The following CTNNBL1 variants were observed in gnomAD, a reference collection of about 807,000 sequenced individuals.
The protein encoded by CTNNBL1 is beta-catenin-like protein 1.
A neutral mutation model predicts 72.7 loss-of-function variants in CTNNBL1; 31 were observed. That is an observed-to-expected ratio of 0.43 (90% CI 0.32 to 0.58). The LOEUF (loss-of-function observed/expected upper bound fraction) is 0.58. Ranked by LOEUF, CTNNBL1 falls within the 20% of genes least tolerant of loss-of-function variation. The pLI, the probability that CTNNBL1 is intolerant of heterozygous loss-of-function variation, is 0.08. For missense variants in CTNNBL1, 534 were observed against 725.1 expected (o/e 0.74, Z 3.03); for synonymous variants, 240 against 267.3 (o/e 0.90, Z 1.00).
intron 7 of CTNNBL1, among the ~76,000 whole-genome samples, chr20:37,773,909 C>CTTTTTTTTTTTTTT (rs1176688817): frequency 9.6e-6 from 1 of 104,646 alleles, no homozygotes; most frequent in Non-Finnish European, 1.9e-5. Context: ...TTCTTTCTCT[C>CTTTTTTTTTTTTTT]TTTTTTTTTT....
intron 11 of CTNNBL1, among the ~76,000 whole-genome samples, chr20:37,823,240 T>G (rs748837224): frequency 1.9e-4 from 29 of 152,206 alleles, no homozygotes; most frequent in Non-Finnish European, 2.9e-4. Flanking sequence ...GATTATAGGA[T>G]GGTTTCATTT....
chr20:37,796,088 G>T (rs2073771748), intron 10 of CTNNBL1, among the ~76,000 whole-genome samples: 2 of 152,122 alleles, frequency 1.3e-5, no homozygotes, highest in African/African-American at 4.8e-5. Context: ...TTACTACTCC[G>T]CCAGGTGCAC....
chr20:37,831,051 C>T (rs1031283664), intron 11 of CTNNBL1, among the ~76,000 whole-genome samples: 2 of 152,306 alleles, frequency 1.3e-5, no homozygotes, highest in Middle Eastern at 3.4e-3. Flanking sequence ...CTAAGTGTGC[C>T]CATAGAACCC....
chr20:37,810,639 A>G (rs924810115), intron 11 of CTNNBL1, among the ~76,000 whole-genome samples: 31 of 152,346 alleles, frequency 2.0e-4, no homozygotes, highest in African/African-American at 7.2e-4. Flanking sequence ...CAGAGAAAGG[A>G]GTATCCTTAG....
At chr20:37,766,655 G>A (rs140759587) in intron 6 of CTNNBL1, among the ~76,000 whole-genome samples, 174 of 152,220 alleles carry the variant, frequency 1.1e-3, no homozygotes, top group Middle Eastern at 3.4e-3. Context: ...GTGGAGGAGT[G>A]GGAGAAGGGC....
chr20:37,764,060 C>T (rs757462183), intron 5 of CTNNBL1, among the ~76,000 whole-genome samples: 5 of 152,248 alleles, frequency 3.3e-5, no homozygotes, highest in Admixed American at 6.5e-5. Context: ...CAGGCATCAA[C>T]AGGGTAAAGG....
chr20:37,750,419 T>G (rs746197581), intron 4 of CTNNBL1: 1 of 152,240 alleles, frequency 6.6e-6, no homozygotes, highest in Non-Finnish European at 1.5e-5. Flanking sequence ...TTCAAAATAA[T>G]GCTTTTTAAA....
intron 4 of CTNNBL1, chr20:37,751,135 C>T (rs1443507960): frequency 6.6e-6 from 1 of 151,788 alleles, no homozygotes; most frequent in East Asian, 1.9e-4. Context: ...ATCAAGGTAT[C>T]GGGTCCATGG....
intron 4 of CTNNBL1, among the ~76,000 whole-genome samples, chr20:37,747,580 A>G (rs993503069): frequency 6.6e-6 from 1 of 151,670 alleles, no homozygotes; most frequent in Admixed American, 6.6e-5. Context: ...TGTTATTTTT[A>G]TTTTTATTTG....
intron 13 of CTNNBL1, among the ~76,000 whole-genome samples, chr20:37,842,802 G>A (rs754687648): frequency 1.3e-5 from 2 of 152,224 alleles, no homozygotes; most frequent in African/African-American, 2.4e-5. Context: ...CTGAGGAAGG[G>A]TGATCACAGC....
chr20:37,732,958 A>G lies in CTNNBL1; in HGVS notation c.110A>G (p.Glu37Gly), dbSNP rs1292467483. ...CGTCGGAAACAAACTGGTACTCGAG[A>G]ACGCGGCCGCTATCGGGAAGAAGAA... ...KMRRKQTGTR[E>G]RGRYREEEMT... The change falls in exon 2 of 16, where the codon GAA becomes GGA. Residue 37 changes from glutamate (E) to glycine (G), a missense_variant. Glu to Gly is a moderately conservative substitution (Grantham distance 98, BLOSUM62 -2). Coordinates refer to ENST00000361383, the MANE Select transcript of CTNNBL1 (RefSeq NM_030877.5). The G allele has an allele frequency of 1.2e-6, 2 of 1,613,978 alleles. No homozygotes were observed. Among genetic ancestry groups the G allele is most frequent in the Non-Finnish European group, 1.7e-6 (2 of 1,180,036 alleles).
intron 11 of CTNNBL1, chr20:37,832,134 T>G (rs1814456070): frequency 6.6e-6 from 1 of 152,160 alleles, no homozygotes; most frequent in Non-Finnish European, 1.5e-5. Context: ...GATTAGAGAG[T>G]CTGAGCGAAG....
Position 37,694,079 on chromosome 20 carries a change from G to C in CTNNBL1, c.-44G>C. The C allele has an allele frequency of 1.3e-6, 2 of 1,595,926 alleles. No individual in the cohort carries two copies. Among genetic ancestry groups the C allele is most frequent in the Non-Finnish European group, 1.7e-6 (2 of 1,172,682 alleles). On this transcript the variant is annotated 5_prime_UTR_variant, in exon 1 of 16. Transcript: ENST00000361383. ...GCCGCGGCTGACGGGCCCGCGGTCTGGGCGTGAGTGCAGGGAAGTGGAGTA... is the reference window on the plus strand; with the variant it reads ...GCCGCGGCTGACGGGCCCGCGGTCTCGGCGTGAGTGCAGGGAAGTGGAGTA...
intron 4 of CTNNBL1, among the ~76,000 whole-genome samples, chr20:37,756,768 T>G (rs746819591): frequency 6.6e-6 from 1 of 151,448 alleles, no homozygotes; most frequent in Non-Finnish European, 1.5e-5. Context: ...CTCCCAAGTT[T>G]CTGGGACTAC....
intron 3 of CTNNBL1, among the ~76,000 whole-genome samples, chr20:37,745,175 T>C (rs1207121600): frequency 6.6e-6 from 1 of 152,156 alleles, no homozygotes; most frequent in East Asian, 1.9e-4. Context: ...TTGTCTAAAA[T>C]ATGGGCATGT....
intron 1 of CTNNBL1, among the ~76,000 whole-genome samples, chr20:37,695,975 T>C (rs116261880): frequency 0.011 from 1,750 of 152,366 alleles, 40 homozygotes; most frequent in African/African-American, 0.039. Flanking sequence ...GAGATTTTTC[T>C]TTTAAAGACA....
chr20:37,714,985 C>T (rs191697269), intron 1 of CTNNBL1, among the ~76,000 whole-genome samples: 1 of 152,280 alleles, frequency 6.6e-6, no homozygotes, highest in African/African-American at 2.4e-5. Context: ...TTTCACCGCA[C>T]CTCACCCCCC....
chr20:37,847,610 G>T (rs532924942), intron 13 of CTNNBL1, among the ~76,000 whole-genome samples: 41 of 152,248 alleles, frequency 2.7e-4, no homozygotes, highest in African/African-American at 9.6e-4. Context: ...CGTTTCCATT[G>T]GCTAAGTGTA....
In CTNNBL1 at chr20:37,838,433, G is replaced by A. The variant is rs150968295; in HGVS notation, c.1214-1669G>A. On this transcript the variant is annotated intron_variant, in intron 11 of 15. Transcript: ENST00000361383. The stretch of plus-strand genomic sequence containing the variant: ...CTGGATATGATTTGAAGGTAAAGCT[G>A]ATGAGGTTTCTCGTGGGATGTGAGA... Among the ~76,000 whole-genome samples the A allele has an allele frequency of 7.9e-5, 12 of 152,322 alleles. No individual in the cohort carries two copies. The East Asian group carries it at 2.3e-3, about 29-fold the overall frequency.
Sources: gnomAD v4.1 joint callset for allele counts (sites outside exome capture counted in the v4.1 genomes callset) on GRCh38, gnomAD v4.1.1 for gene constraint, MANE v1.5 for transcripts, NCBI Gene and HGNC (gene_info 2026-07-23, HGNC 2026-07-21) for gene names.